The following FMN1 variants were observed in gnomAD, a reference collection of about 807,000 sequenced individuals.
The protein encoded by FMN1 is formin-1.
FMN1 carries 110 observed loss-of-function variants against 132.4 expected under a neutral mutation model. The ratio of observed to expected loss-of-function variants is 0.83; its 90% CI spans 0.71 to 0.97. The LOEUF (loss-of-function observed/expected upper bound fraction) is 0.97, where lower values mean the gene tolerates loss of function less well. FMN1 is among the 50% of genes least tolerant of loss of function. FMN1 has a pLI of 0.00. For missense variants in FMN1, 1,792 were observed against 1,705.3 expected (o/e 1.05, Z -0.90); for synonymous variants, 722 against 651.7 (o/e 1.11, Z -1.64).
intron 6 of FMN1, among the ~76,000 whole-genome samples, chr15:33,029,923 C>T (rs2035856131): frequency 1.3e-5 from 2 of 152,264 alleles, no homozygotes; most frequent in Middle Eastern, 3.4e-3. Flanking sequence ...TTTCGGAGAC[C>T]GAGGCAGGCA....
intron 4 of FMN1, among the ~76,000 whole-genome samples, chr15:33,125,592 C>T (rs1962980352): frequency 6.6e-6 from 1 of 152,032 alleles, no homozygotes; most frequent in Non-Finnish European, 1.5e-5. Context: ...GTAATCCCAG[C>T]ACTTCGGAAG....
rs1019070964 is a variant in FMN1 at position 32,766,889 on chromosome 15, G to A, written c.*7421C>T. ...GAAACAGAAGTATTGAAAGAAGAAA[G>A]TGAAACAAAGCTAGAAGTCAAAATG... On this transcript the variant is annotated 3_prime_UTR_variant, in exon 21 of 21. Coordinates refer to ENST00000616417, the MANE Select transcript of FMN1 (RefSeq NM_001277313.2). The A allele has an allele frequency of 1.5e-4, 23 of 152,390 alleles. No homozygotes were observed. Among genetic ancestry groups the A allele is most frequent in the African/African-American group, 5.3e-4 (22 of 41,576 alleles). 9.4% of individuals were successfully genotyped at this position (152,390 alleles called of 1,614,324 possible). A position where few individuals can be genotyped will look rare whatever the true frequency, so the allele number is the denominator to read the frequency against.
chr15:33,056,687 CTT>C (rs1428142827), intron 6 of FMN1, among the ~76,000 whole-genome samples: 5 of 152,190 alleles, frequency 3.3e-5, no homozygotes, highest in Non-Finnish European at 7.4e-5. Context: ...CAGCCACAAA[CTT>C]TGAACAACAT....
At chr15:32,967,993 T>G (rs1346263318) in intron 8 of FMN1, among the ~76,000 whole-genome samples, 1 of 152,238 alleles carries the variant, frequency 6.6e-6, no homozygotes, top group African/African-American at 2.4e-5. Context: ...CAAATCACAC[T>G]CAAATCTGTT....
intron 6 of FMN1, among the ~76,000 whole-genome samples, chr15:33,035,079 T>A: frequency 6.6e-6 from 1 of 152,180 alleles, no homozygotes; most frequent in African/African-American, 2.4e-5. Flanking sequence ...TTACAACAGG[T>A]TACAGAGAGA....
At chr15:33,099,152 G>A (rs773464749) in intron 4 of FMN1, among the ~76,000 whole-genome samples, 83 of 152,184 alleles carry the variant, frequency 5.5e-4, no homozygotes, top group South Asian at 6.2e-4. Flanking sequence ...TTAGCCAGGT[G>A]GGGTGGCGCG....
chr15:33,000,076 T>C (rs974416218), intron 7 of FMN1, among the ~76,000 whole-genome samples: 5 of 152,206 alleles, frequency 3.3e-5, no homozygotes, highest in African/African-American at 1.2e-4. Context: ...CTAAACACAT[T>C]GCTCCACAGA....
intron 4 of FMN1, among the ~76,000 whole-genome samples, chr15:33,101,565 T>A (rs1215769798): frequency 6.6e-6 from 1 of 152,162 alleles, no homozygotes; most frequent in Non-Finnish European, 1.5e-5. Flanking sequence ...CTTGCTGTAA[T>A]TCTTCATGGT....
intron 4 of FMN1, among the ~76,000 whole-genome samples, chr15:33,147,153 G>A (rs1320845888): frequency 8.3e-5 from 12 of 145,062 alleles, no homozygotes; most frequent in African/African-American, 2.8e-4. Context: ...AAACAAGAGC[G>A]AGACTCCGTC....
At chr15:32,944,314 G>A (rs953360323) in intron 9 of FMN1, among the ~76,000 whole-genome samples, 2 of 152,192 alleles carry the variant, frequency 1.3e-5, no homozygotes, top group African/African-American at 4.8e-5. Flanking sequence ...GCTGTGTAGT[G>A]CCATATTATG....
At chr15:32,909,956 CTA>C (rs1250069468) in intron 11 of FMN1, among the ~76,000 whole-genome samples, 1 of 152,092 alleles carries the variant, frequency 6.6e-6, no homozygotes, top group African/African-American at 2.4e-5. Context: ...GTTTAAGTAA[CTA>C]GCCCAAGGTC....
rs113029962 is a variant in FMN1 at position 32,886,694 on chromosome 15, G to T, written c.3835+1478C>A. Among the ~76,000 whole-genome samples, 555 of 152,288 alleles carry T rather than the reference G, an allele frequency of 3.6e-3. 1 individual carries two copies. Among genetic ancestry groups the T allele is most frequent in the South Asian group, 0.022 (107 of 4,820 alleles). On this transcript the variant is annotated intron_variant, in intron 16 of 20. Coordinates refer to ENST00000616417, the MANE Select transcript of FMN1 (RefSeq NM_001277313.2). ...GGCCAAGGGTTTCACAAGGGGCCAA[G>T]AGACAAGAGGGAATGGGCATTCAGG...
intron 9 of FMN1, among the ~76,000 whole-genome samples, chr15:32,957,319 T>TTGTTTG: frequency 6.8e-6 from 1 of 147,188 alleles, no homozygotes; most frequent in Non-Finnish European, 1.5e-5. Context: ...TTTTTTTTTT[T>TTGTTTG]TTTTTTACAG....
At chr15:33,003,584 G>C (rs945604244) in intron 7 of FMN1, among the ~76,000 whole-genome samples, 4 of 152,228 alleles carry the variant, frequency 2.6e-5, no homozygotes, top group African/African-American at 9.6e-5. Context: ...ATGCTCATGG[G>C]TAAGAATCAA....
intron 9 of FMN1, among the ~76,000 whole-genome samples, chr15:32,942,690 T>C (rs2061425836): frequency 6.6e-6 from 1 of 152,242 alleles, no homozygotes; most frequent in African/African-American, 2.4e-5. Flanking sequence ...TTTTGCTCTT[T>C]GGCTTAAGTT....
intron 9 of FMN1, among the ~76,000 whole-genome samples, chr15:32,953,377 G>A (rs1437276809): frequency 6.6e-6 from 1 of 152,166 alleles, no homozygotes; most frequent in Non-Finnish European, 1.5e-5. Context: ...GAAGCCTCCT[G>A]GGCTGAGGCA....
At chr15:33,168,423 T>C (rs570459006) in intron 3 of FMN1, among the ~76,000 whole-genome samples, 2 of 152,138 alleles carry the variant, frequency 1.3e-5, no homozygotes, top group Non-Finnish European at 2.9e-5. Flanking sequence ...AAAAAACACA[T>C]AATGTTTGCA....
chr15:32,794,181 A>G (rs1259288406), intron 19 of FMN1, among the ~76,000 whole-genome samples: 2 of 151,794 alleles, frequency 1.3e-5, no homozygotes, highest in Admixed American at 6.6e-5. Flanking sequence ...TAAAAAAAAC[A>G]GCCCCCTCGC....
At chr15:33,193,762 G>T (rs1471389683) in intron 2 of FMN1, 147 bp downstream of exon 2, 1 of 152,134 alleles carries the variant, frequency 6.6e-6, no homozygotes, top group East Asian at 1.9e-4. Context: ...TTGCAAATGA[G>T]GATAAGGAAA....
Sources: gnomAD v4.1 joint callset for allele counts (sites outside exome capture counted in the v4.1 genomes callset) on GRCh38, gnomAD v4.1.1 for gene constraint, MANE v1.5 for transcripts, NCBI Gene and HGNC (gene_info 2026-07-23, HGNC 2026-07-21) for gene names.